The following RGS7 variants were observed in gnomAD, a reference collection of about 807,000 sequenced individuals.
The protein encoded by RGS7 is regulator of G protein signaling 7, also known as regulator of G-protein signaling 7.
In RGS7, 27 loss-of-function variants were observed where a neutral mutation model predicts 81.1. The ratio of observed to expected loss-of-function variants is 0.33; its 90% CI spans 0.25 to 0.46. The LOEUF (loss-of-function observed/expected upper bound fraction) is 0.46, where lower values mean the gene tolerates loss of function less well. RGS7 is among the 20% of genes least tolerant of loss of function. RGS7 has a pLI of 1.00. For synonymous variants in RGS7, 208 were observed against 207.7 expected (o/e 1.00, Z -0.01); for missense variants, 396 against 607.4 (o/e 0.65, Z 3.66).
intron 4 of RGS7, among the ~76,000 whole-genome samples, chr1:240,972,068 T>C (rs1000404713): frequency 1.3e-5 from 2 of 152,174 alleles, no homozygotes; most frequent in South Asian, 2.1e-4. Flanking sequence ...AAATGGAGTA[T>C]CCAGAATGCA....
At chr1:241,156,322 G>A (rs553761241) in intron 2 of RGS7, among the ~76,000 whole-genome samples, 13 of 151,824 alleles carry the variant, frequency 8.6e-5, no homozygotes, top group African/African-American at 3.1e-4. Context: ...AACAAAGCAA[G>A]GCTCTGTCTC....
At chr1:241,103,555 A>T (rs2064908737) in intron 2 of RGS7, among the ~76,000 whole-genome samples, 1 of 152,212 alleles carries the variant, frequency 6.6e-6, no homozygotes, top group Admixed American at 6.5e-5. Flanking sequence ...CCTGTTACAG[A>T]CAAATAGATG....
intron 9 of RGS7, among the ~76,000 whole-genome samples, chr1:240,857,087 C>CT (rs1313256923): frequency 6.6e-6 from 1 of 152,160 alleles, no homozygotes; most frequent in African/African-American, 2.4e-5. Flanking sequence ...GTAAAATTCA[C>CT]TTTATCTGCT....
intron 2 of RGS7, among the ~76,000 whole-genome samples, chr1:241,334,251 AAT>A (rs1379671033): frequency 1.3e-5 from 2 of 152,204 alleles, no homozygotes; most frequent in African/African-American, 2.4e-5. Flanking sequence ...AAAAGTTAAA[AAT>A]CTTTTTCCCA....
intron 3 of RGS7, among the ~76,000 whole-genome samples, chr1:241,011,815 C>T (rs1305207092): frequency 6.6e-6 from 1 of 152,090 alleles, no homozygotes; most frequent in African/African-American, 2.4e-5. Context: ...AATCCTATAT[C>T]ACAAACCCAT....
chr1:241,338,319 T>C (rs769271009), intron 2 of RGS7, among the ~76,000 whole-genome samples: 59 of 152,276 alleles, frequency 3.9e-4, no homozygotes, highest in Admixed American at 1.4e-3. Flanking sequence ...CAATATAGCA[T>C]TGAAATAAAT....
intron 3 of RGS7, among the ~76,000 whole-genome samples, chr1:241,063,202 T>TGGG (rs2061838969): frequency 1.3e-5 from 2 of 152,212 alleles, no homozygotes; most frequent in South Asian, 4.1e-4. Flanking sequence ...ATAATGACAG[T>TGGG]AGTTACCACT....
At chr1:240,852,818 C>A (rs1451793282) in intron 9 of RGS7, among the ~76,000 whole-genome samples, 1 of 152,156 alleles carries the variant, frequency 6.6e-6, no homozygotes, top group Non-Finnish European at 1.5e-5. Flanking sequence ...CTCTAAGGCA[C>A]ACAAGCAGCA....
chr1:240,949,693 C>A (rs1386996639), intron 4 of RGS7, among the ~76,000 whole-genome samples: 1 of 151,742 alleles, frequency 6.6e-6, no homozygotes, highest in Non-Finnish European at 1.5e-5. Flanking sequence ...ACTAAAAATA[C>A]AAAAATTAGC....
At chr1:240,780,037 G>A (rs374696962) in intron 18 of RGS7, among the ~76,000 whole-genome samples, 3 of 152,260 alleles carry the variant, frequency 2.0e-5, no homozygotes, top group South Asian at 4.1e-4. Context: ...AAAAGATTCA[G>A]TTCTTAAATA....
chr1:240,968,001 C>T (rs12119557), intron 4 of RGS7, among the ~76,000 whole-genome samples: 54,179 of 151,654 alleles, frequency 0.36, 9,971 homozygotes, highest in Middle Eastern at 0.43. Flanking sequence ...AACCAATATC[C>T]ATATCCAAAC....
rs142757388 is a variant in RGS7, at chr1:241,283,543, A to T, written c.78+72156T>A. ...AGGTAAGATGTCACTTTTTAATGAA[A>T]ATTTTTAAGATTTTTTCTTTAATAT... On this transcript the variant is annotated intron_variant, in intron 2 of 18. Coordinates refer to ENST00000440928, the MANE Select transcript of RGS7 (RefSeq NM_001364886.1). Among the ~76,000 whole-genome samples, 246 of 151,758 alleles carry T rather than the reference A, an allele frequency of 1.6e-3. 1 individual carries two copies. The highest frequency in any genetic ancestry group is 1.7e-3 in the Non-Finnish European group (116 of 68,004).
rs1347929384 is a variant in RGS7, at chr1:241,163,872, G to T, written c.79-65110C>A. Reference sequence around the variant, plus strand: ...ATCAATTTTGCAGCAGACTGAAGCTGGAAGTCCTCTAATTCAGTTCCACTC... The same window carrying T: ...ATCAATTTTGCAGCAGACTGAAGCTTGAAGTCCTCTAATTCAGTTCCACTC... On this transcript the variant is annotated intron_variant, in intron 2 of 18. Transcript: ENST00000440928. This position sits in a 1 kb window ranked among gnomAD's most constrained non-coding sequence, Gnocchi z 4.6. Among the ~76,000 whole-genome samples, 1 of 150,450 alleles carries T rather than the reference G, an allele frequency of 6.6e-6. No individual in the cohort carries two copies. Among genetic ancestry groups the T allele is most frequent in the Non-Finnish European group, 1.5e-5 (1 of 68,014 alleles).
At chr1:240,969,379 T>C (rs1482898530) in intron 4 of RGS7, among the ~76,000 whole-genome samples, 1 of 152,188 alleles carries the variant, frequency 6.6e-6, no homozygotes, top group Non-Finnish European at 1.5e-5. Context: ...GCATCGTCCA[T>C]TTGGTCTGTG....
intron 2 of RGS7, among the ~76,000 whole-genome samples, chr1:241,124,695 T>C (rs1267089330): frequency 1.3e-5 from 2 of 152,298 alleles, no homozygotes; most frequent in South Asian, 4.1e-4. Flanking sequence ...TGGCAGGAGA[T>C]GCCCAGTGCA....
intron 6 of RGS7, among the ~76,000 whole-genome samples, chr1:240,911,495 C>T (rs895762612): frequency 3.9e-5 from 6 of 152,144 alleles, no homozygotes; most frequent in African/African-American, 1.2e-4. Flanking sequence ...ATCTCATCCA[C>T]GACCATGGCT....
chr1:240,997,681 C>T (rs1190163155), intron 3 of RGS7, among the ~76,000 whole-genome samples: 2 of 152,094 alleles, frequency 1.3e-5, no homozygotes, highest in African/African-American at 2.4e-5. Flanking sequence ...AAAAATTAGT[C>T]GAGAAGGGGG....
chr1:240,912,806 A>C (rs1295903417), intron 6 of RGS7, among the ~76,000 whole-genome samples: 1 of 152,128 alleles, frequency 6.6e-6, no homozygotes, highest in Non-Finnish European at 1.5e-5. Context: ...TTTCCTGTAT[A>C]CTACATGAGT....
intron 3 of RGS7, among the ~76,000 whole-genome samples, chr1:241,097,734 C>G (rs1300584775): frequency 4.6e-5 from 7 of 152,064 alleles, no homozygotes; most frequent in South Asian, 4.1e-4. Context: ...TTCACTGCCC[C>G]CTGGAGTCAG....
Sources: gnomAD v4.1 joint callset for allele counts (sites outside exome capture counted in the v4.1 genomes callset) on GRCh38, gnomAD v4.1.1 for gene constraint, Gnocchi (gnomAD v3.1) non-coding constraint, MANE v1.5 for transcripts, NCBI Gene and HGNC (gene_info 2026-07-23, HGNC 2026-07-21) for gene names.